The following SIPA1L2 variants were observed in gnomAD, a reference collection of about 807,000 sequenced individuals.
SIPA1L2 encodes the protein signal induced proliferation associated 1 like 2.
Under a neutral mutation model 163.9 loss-of-function variants are expected in SIPA1L2, and 56 were observed. The ratio of observed to expected loss-of-function variants is 0.34; its 90% confidence interval spans 0.28 to 0.43. The LOEUF (loss-of-function observed/expected upper bound fraction) is 0.43. Ranked by LOEUF, SIPA1L2 falls within the 20% of genes least tolerant of loss-of-function variation. The pLI is 1.00. For missense variants in SIPA1L2, 1,974 were observed against 2,193.5 expected (o/e 0.90, Z 2.00); for synonymous variants, 877 against 865.7 (o/e 1.01, Z -0.23).
chr1:232,465,554 A>G lies in SIPA1L2; in HGVS notation c.2244-138T>C, dbSNP rs1241216854. ...CACACATATACATACACACATACAC[A>G]CACACTTTCAACTTAACTGGTTTAT... On this transcript the variant is annotated intron_variant, in intron 8 of 22. Transcript: ENST00000674635. This position sits in a 1 kb window ranked among gnomAD's most constrained non-coding sequence, Gnocchi z 4.1. The G allele has an allele frequency of 1.4e-6, 1 of 733,558 alleles. No homozygotes were observed. Among genetic ancestry groups the G allele is most frequent in the Non-Finnish European group, 2.2e-6 (1 of 456,090 alleles). 45.4% of individuals were successfully genotyped at this position (733,558 alleles called of 1,614,324 possible). A position where few individuals can be genotyped will look rare whatever the true frequency, so the allele number is the denominator to read the frequency against.
intron 1 of SIPA1L2, among the ~76,000 whole-genome samples, chr1:232,574,981 G>A (rs1187757857): frequency 6.6e-6 from 1 of 152,150 alleles, no homozygotes; most frequent in Non-Finnish European, 1.5e-5. Context: ...ATTTGCCCCA[G>A]GCGAATCAGC....
intron 2 of SIPA1L2, among the ~76,000 whole-genome samples, chr1:232,519,163 A>G (rs6661440): frequency 0.92 from 139,526 of 152,252 alleles, 64,655 homozygotes; most frequent in African/African-American, 0.98. Flanking sequence ...CCCCACTTCC[A>G]TACCAGCCAA....
chr1:232,555,053 T>C (rs1388408814), intron 2 of SIPA1L2, among the ~76,000 whole-genome samples: 1 of 152,220 alleles, frequency 6.6e-6, no homozygotes, highest in African/African-American at 2.4e-5. Flanking sequence ...TGGCAGATGC[T>C]TTTACTTTAA....
intron 2 of SIPA1L2, among the ~76,000 whole-genome samples, chr1:232,523,083 T>C (rs948778138): frequency 2.6e-5 from 4 of 152,230 alleles, no homozygotes; most frequent in African/African-American, 9.6e-5. Flanking sequence ...TTTGAAATTA[T>C]TTGAGAGACT....
intron 10 of SIPA1L2, among the ~76,000 whole-genome samples, chr1:232,459,509 G>A (rs1304718447): frequency 3.3e-5 from 5 of 152,134 alleles, no homozygotes; most frequent in African/African-American, 1.2e-4. Context: ...ATATGCTAAA[G>A]TTTTATTTAT....
chr1:232,400,205 T>C (rs556462781), intron 22 of SIPA1L2, among the ~76,000 whole-genome samples: 3 of 152,122 alleles, frequency 2.0e-5, no homozygotes, highest in African/African-American at 7.2e-5. Context: ...CTCACTTCAC[T>C]CTAAGAAGCA....
chr1:232,414,310 G>C (rs1353472792), intron 19 of SIPA1L2, among the ~76,000 whole-genome samples: 1 of 152,192 alleles, frequency 6.6e-6, no homozygotes, highest in Admixed American at 6.5e-5. Flanking sequence ...CTCAGGACCA[G>C]AGGCACTGAT....
intron 2 of SIPA1L2, among the ~76,000 whole-genome samples, chr1:232,569,323 G>A (rs1033842326): frequency 6.6e-6 from 1 of 152,180 alleles, no homozygotes; most frequent in African/African-American, 2.4e-5. Context: ...TGTCCCAGTG[G>A]TCAAACACCC....
intron 2 of SIPA1L2, among the ~76,000 whole-genome samples, chr1:232,562,624 C>A (rs554266444): frequency 6.6e-6 from 1 of 152,250 alleles, no homozygotes; most frequent in East Asian, 1.9e-4. Flanking sequence ...TGTACTGATG[C>A]GTATTTCCAA....
At position 232,430,146 on chromosome 1, in the gene SIPA1L2, G is replaced by A. The variant is rs141938142; in HGVS notation, c.4257-1582C>T. Among the ~76,000 whole-genome samples the A allele has an allele frequency of 8.7e-4, 133 of 152,274 alleles. No individual in the cohort carries two copies. The Middle Eastern group carries it at 0.017, about 19-fold the overall frequency. On this transcript the variant is annotated intron_variant, in intron 16 of 22. Transcript: ENST00000674635. ...GGGGCTTGCACAGGACCTCCAGTCC[G>A]GGGGTGTGTGCATGTGGTATGTATG...
rs373874564 is a variant in SIPA1L2 at position 232,479,684 on chromosome 1, G to A, written c.2028C>T (p.Tyr676=). 1.6e-4 allele frequency: 254 copies of A among 1,613,648 alleles called. No homozygotes were observed. Among genetic ancestry groups the A allele is most frequent in the Non-Finnish European group, 2.0e-4 (237 of 1,179,782 alleles). The change falls in exon 7 of 23, where the codon TAC becomes TAT. Residue 676 remains tyrosine, a synonymous_variant. Transcript: ENST00000674635. ...THSLYTTYKD[Y]ELMFHVSTLL... is the part of the protein sequence containing the mutation. The stretch of plus-strand genomic sequence containing the variant: ...GGGTTGACACGTGGAACATGAGTTC[G>A]TAGTCTTTGTATGTGGTATAGAGAG...
intron 19 of SIPA1L2, among the ~76,000 whole-genome samples, chr1:232,413,800 TACACAGTG>T (rs1392964194): frequency 6.6e-6 from 1 of 152,208 alleles, no homozygotes; most frequent in Non-Finnish European, 1.5e-5. Context: ...TGCAGATAGT[TACACAGTG>T]AGGCCACACA....
At chr1:232,560,521 C>T (rs1573083379) in intron 2 of SIPA1L2, among the ~76,000 whole-genome samples, 1 of 152,208 alleles carries the variant, frequency 6.6e-6, no homozygotes, top group Admixed American at 6.5e-5. Context: ...GATATAGGAA[C>T]GTTTCCCAGT....
At chr1:232,571,939 A>C (rs149852702) in intron 2 of SIPA1L2, among the ~76,000 whole-genome samples, 1 of 152,200 alleles carries the variant, frequency 6.6e-6, no homozygotes, top group East Asian at 1.9e-4. Context: ...ATCCAGCCTC[A>C]GGTATTTCTT....
In SIPA1L2 at chr1:232,460,806, A is replaced by T. The variant is rs1326830641; in HGVS notation, c.3095+81T>A. On this transcript the variant is annotated intron_variant, in intron 10 of 22. Coordinates refer to ENST00000674635, the MANE Select transcript of SIPA1L2 (RefSeq NM_020808.5). ...ACACACTTGACTGCATTTTCTGAGG[A>T]CCTTGCAGGAGCACTGAGGACAGCC... The T allele has an allele frequency of 2.0e-6, 3 of 1,506,934 alleles. No individual in the cohort carries two copies. In the East Asian group the frequency reaches 6.9e-5, roughly 35 times the overall value. The allele number at this position is 1,506,934 out of a possible 1,614,324, so 93.3% of individuals were successfully genotyped here. A position where few individuals can be genotyped will look rare whatever the true frequency, so the allele number is the denominator to read the frequency against.
Position 232,580,071 on chromosome 1 carries a change from T to C in SIPA1L2, c.-318-5849A>G, listed in dbSNP as rs535589063. 4.3e-4 allele frequency among the ~76,000 whole-genome samples: 65 copies of C among 152,306 alleles called. 1 individual carries two copies. The highest frequency in any genetic ancestry group is 1.4e-3 in the African/African-American group (58 of 41,574). On this transcript the variant is annotated intron_variant, in intron 1 of 22. Transcript: ENST00000674635. ...TGGGCTGCTCAACTGAGTATACTTA[T>C]AGTTATTTCTTGATTACATGCTAAA... is the stretch of plus-strand genomic sequence containing the variant.
intron 2 of SIPA1L2, among the ~76,000 whole-genome samples, chr1:232,536,914 T>A (rs554540247): frequency 6.6e-6 from 1 of 152,348 alleles, no homozygotes; most frequent in Non-Finnish European, 1.5e-5. Context: ...AATTTGGAAC[T>A]ATTCTTTTCT....
chr1:232,424,291 A>C (rs1020837319), intron 18 of SIPA1L2, among the ~76,000 whole-genome samples: 3 of 148,524 alleles, frequency 2.0e-5, no homozygotes. Context: ...AAACTGCTCT[A>C]AGAAGTCTAT....
At chr1:232,510,547 A>G (rs1666934751) in intron 3 of SIPA1L2, among the ~76,000 whole-genome samples, 1 of 152,224 alleles carries the variant, frequency 6.6e-6, no homozygotes, top group African/African-American at 2.4e-5. Flanking sequence ...AAACCTAAGC[A>G]GTTTGATGAT....
Sources: allele counts gnomAD v4.1 joint callset (sites outside exome capture counted in the v4.1 genomes callset), GRCh38; gene constraint gnomAD v4.1.1; non-coding constraint Gnocchi (gnomAD v3.1); transcripts MANE v1.5; gene names NCBI Gene and HGNC (gene_info 2026-07-23, HGNC 2026-07-21).